DIP2B: variants seen among roughly 807,000 people sequenced by gnomAD.
DIP2B encodes the protein DIP2 acetate--CoA ligase B (putative).
Under a neutral mutation model 198.0 loss-of-function variants are expected in DIP2B, and 76 were observed. The ratio of observed to expected loss-of-function variants is 0.38; its 90% CI spans 0.32 to 0.46. DIP2B has a LOEUF of 0.46. Ranked by LOEUF, DIP2B falls within the 20% of genes least tolerant of loss-of-function variation. DIP2B has a pLI of 0.99. For missense variants in DIP2B, 1,559 were observed against 1,978.4 expected (o/e 0.79, Z 4.02); for synonymous variants, 701 against 739.1 (o/e 0.95, Z 0.84).
intron 20 of DIP2B, among the ~76,000 whole-genome samples, chr12:50,705,924 T>A (rs1197449333): frequency 6.6e-6 from 1 of 152,192 alleles, no homozygotes; most frequent in Non-Finnish European, 1.5e-5. Flanking sequence ...GAAAAGTTAA[T>A]TTGCTGCAAA....
chr12:50,726,296 G>A lies in DIP2B; in HGVS notation c.3401-1407G>A, dbSNP rs552797766. Among the ~76,000 whole-genome samples the A allele has an allele frequency of 7.2e-5, 11 of 152,176 alleles. No homozygotes were observed. In the South Asian group the frequency reaches 2.3e-3, roughly 31 times the overall value. On this transcript the variant is annotated intron_variant, in intron 28 of 37. Transcript: ENST00000301180. Reference sequence around the variant, plus strand: ...TTTGGCATACTTATAAAGCACATGGGGGGAAGCAGAGGAGGTATCATAAAT... The same window carrying A: ...TTTGGCATACTTATAAAGCACATGGAGGGAAGCAGAGGAGGTATCATAAAT...
intron 1 of DIP2B, among the ~76,000 whole-genome samples, chr12:50,531,291 G>A (rs10735826): frequency 0.87 from 131,796 of 152,068 alleles, 58,408 homozygotes; most frequent in Non-Finnish European, 0.98. Context: ...CTTGTGATCC[G>A]CCCACCTCGG....
At chr12:50,586,415 A>G (rs892117891) in intron 1 of DIP2B, among the ~76,000 whole-genome samples, 2 of 152,134 alleles carry the variant, frequency 1.3e-5, no homozygotes, top group Non-Finnish European at 2.9e-5. Context: ...GGACTTTCCC[A>G]AACTTGTACA....
In DIP2B at chr12:50,745,835, T is replaced by A. The variant is rs1028881935; in HGVS notation, c.*996T>A. 2 of 152,286 alleles carry A rather than the reference T, an allele frequency of 1.3e-5. No homozygotes were observed. Among genetic ancestry groups the A allele is most frequent in the African/African-American group, 4.8e-5 (2 of 41,464 alleles). 9.4% of individuals were successfully genotyped at this position (152,286 alleles called of 1,614,324 possible). A position where few individuals can be genotyped will look rare whatever the true frequency, so the allele number is the denominator to read the frequency against. On this transcript the variant is annotated 3_prime_UTR_variant, in exon 38 of 38. Transcript: ENST00000301180. ...GAGTGACTATGTAAGAATTTAGGAT[T>A]TCCTCTTTTCCAGGCACATTGTAAA...
intron 1 of DIP2B, among the ~76,000 whole-genome samples, chr12:50,570,794 T>C (rs1325620504): frequency 1.3e-5 from 2 of 152,258 alleles, no homozygotes; most frequent in East Asian, 1.9e-4. Flanking sequence ...AATAATTTTT[T>C]TTACAATACT....
intron 3 of DIP2B, among the ~76,000 whole-genome samples, chr12:50,645,343 A>T (rs1022310778): frequency 6.6e-6 from 1 of 152,234 alleles, no homozygotes; most frequent in Non-Finnish European, 1.5e-5. Flanking sequence ...TGTTTGTTGT[A>T]GTATTGTGTA....
chr12:50,657,223 C>CAAAAAAAA, intron 3 of DIP2B: 1 of 107,048 alleles, frequency 9.3e-6, no homozygotes, highest in African/African-American at 3.8e-5. Flanking sequence ...TCTCTATTTA[C>CAAAAAAAA]AAAAAAAAAA....
chr12:50,580,652 G>A (rs1181775255), intron 1 of DIP2B, among the ~76,000 whole-genome samples: 1 of 145,244 alleles, frequency 6.9e-6, no homozygotes. Context: ...CTTCAGTTCA[G>A]TTGTTCTGAA....
In DIP2B at chr12:50,717,877, C is replaced by T. The variant is rs935129923; in HGVS notation, c.2852-832C>T. Among the ~76,000 whole-genome samples the T allele has an allele frequency of 1.5e-4, 22 of 148,520 alleles. 1 individual carries two copies. The highest frequency in any genetic ancestry group is 2.5e-4 in the African/African-American group (10 of 40,508). ...TGCTGTGATTACAGGCATGAGCCAC[C>T]GTTCCTGGCCATTATTCACTTTTTT... is the stretch of plus-strand genomic sequence containing the variant. On this transcript the variant is annotated intron_variant, in intron 23 of 37. Transcript: ENST00000301180.
At chr12:50,644,638 TAACTG>T (rs1938318813) in intron 3 of DIP2B, among the ~76,000 whole-genome samples, 1 of 152,242 alleles carries the variant, frequency 6.6e-6, no homozygotes, top group South Asian at 2.1e-4. Flanking sequence ...TTCTAATAGA[TAACTG>T]AACATCTCTT....
At chr12:50,685,748 G>T in intron 10 of DIP2B, 85 bp from the exon 11 acceptor site, 1 of 1,431,674 alleles carries the variant, frequency 7.0e-7, no homozygotes, top group Non-Finnish European at 9.3e-7. Flanking sequence ...CAAACAAAAT[G>T]CCAGAGCATT....
rs1940344144 is a variant in DIP2B at position 50,746,625 on chromosome 12, T to C, written c.*1786T>C. 6.6e-6 allele frequency: 1 copy of C among 152,140 alleles called. No individual in the cohort carries two copies. Among genetic ancestry groups the C allele is most frequent in the Non-Finnish European group, 1.5e-5 (1 of 68,034 alleles). 9.4% of individuals were successfully genotyped at this position (152,140 alleles called of 1,614,324 possible). ...AGTTCCAGATCTCTTTTTCAGCATT[T>C]TCATGGAATTAATTTACACGTAATG... is the stretch of plus-strand genomic sequence containing the variant. On this transcript the variant is annotated 3_prime_UTR_variant, in exon 38 of 38. Transcript: ENST00000301180.
chr12:50,599,251 C>T (rs544851896), intron 1 of DIP2B, among the ~76,000 whole-genome samples: 1 of 148,594 alleles, frequency 6.7e-6, no homozygotes, highest in South Asian at 2.1e-4. Flanking sequence ...GAGATGGCAC[C>T]ACTTCACTTC....
At chr12:50,559,313 C>CTTT (rs11301460) in intron 1 of DIP2B, among the ~76,000 whole-genome samples, 1,889 of 122,940 alleles carry the variant, frequency 0.015, 65 homozygotes, top group East Asian at 0.14. Context: ...AATTATTTGT[C>CTTT]TTTTTTTTTT....
At chr12:50,696,810 A>G (rs1939320780) in intron 16 of DIP2B, among the ~76,000 whole-genome samples, 1 of 152,220 alleles carries the variant, frequency 6.6e-6, no homozygotes, top group Non-Finnish European at 1.5e-5. Flanking sequence ...TCAGTTTAAT[A>G]GGAGCAGCCT....
chr12:50,703,875 G>GA (rs200389059), intron 19 of DIP2B, among the ~76,000 whole-genome samples: 232 of 128,508 alleles, frequency 1.8e-3, no homozygotes, highest in Admixed American at 3.0e-3. Flanking sequence ...ATATCTGTTT[G>GA]AAAAAAAAAA....
intron 36 of DIP2B, among the ~76,000 whole-genome samples, chr12:50,740,014 C>T (rs917638613): frequency 9.9e-5 from 15 of 152,212 alleles, no homozygotes; most frequent in Non-Finnish European, 7.3e-5. Flanking sequence ...CATGGCAGTG[C>T]CTCAGTGTCT....
chr12:50,745,535 A>C lies in DIP2B; in HGVS notation c.*696A>C, dbSNP rs1387135666. 2 of 152,404 alleles carry C rather than the reference A, an allele frequency of 1.3e-5. No individual in the cohort carries two copies. Among genetic ancestry groups the C allele is most frequent in the Non-Finnish European group, 2.9e-5 (2 of 68,046 alleles). 9.4% of individuals were successfully genotyped at this position (152,404 alleles called of 1,614,324 possible). A position where few individuals can be genotyped will look rare whatever the true frequency, so the allele number is the denominator to read the frequency against. On this transcript the variant is annotated 3_prime_UTR_variant, in exon 38 of 38. Coordinates refer to ENST00000301180, the MANE Select transcript of DIP2B (RefSeq NM_173602.3). ...TTGTGTAATTGATTAGGTAACTAAAAAGCGCAAATTGTTGGCAGGTTTTGC... is the reference window on the plus strand; with the variant it reads ...TTGTGTAATTGATTAGGTAACTAAACAGCGCAAATTGTTGGCAGGTTTTGC...
At chr12:50,712,937 A>T (rs1278900081) in intron 22 of DIP2B, among the ~76,000 whole-genome samples, 1 of 152,134 alleles carries the variant, frequency 6.6e-6, no homozygotes, top group Non-Finnish European at 1.5e-5. Flanking sequence ...GATTGGTTCC[A>T]TAAAAATGAG....
Sources: gnomAD v4.1 joint callset for allele counts (sites outside exome capture counted in the v4.1 genomes callset) on GRCh38, gnomAD v4.1.1 for gene constraint, MANE v1.5 for transcripts, NCBI Gene and HGNC (gene_info 2026-07-23, HGNC 2026-07-21) for gene names.